Variants in ANK2 observed in about 807,000 individuals in gnomAD.
ANK2 encodes the protein ankyrin-2.
A neutral mutation model predicts 360.5 loss-of-function variants in ANK2; 83 were observed. The observed-to-expected ratio is 0.23, with a 90% CI of 0.19 to 0.28. The LOEUF (loss-of-function observed/expected upper bound fraction) is 0.28. Ranked by LOEUF, ANK2 falls within the 10% of genes least tolerant of loss-of-function variation. The probability of loss-of-function intolerance (pLI) is 1.00; values close to 1 mark genes in which losing one functional copy is unlikely to be tolerated. For synonymous variants in ANK2, 1,740 were observed against 1,759.5 expected, an observed-to-expected ratio of 0.99 and a Z score of 0.28; for missense variants, 4,201 against 4,795.7, an observed-to-expected ratio of 0.88 and a Z score of 3.66.
the ANK2 span, among the ~76,000 whole-genome samples, chr4:112,794,707 C>T: frequency 2.0e-5 from 3 of 152,192 alleles, no homozygotes; most frequent in Non-Finnish European, 4.4e-5. Flanking sequence ...TCTCTCCCTT[C>T]TCCCCAAACT....
chr4:112,803,892 TAGAC>T, the ANK2 span, among the ~76,000 whole-genome samples: 1,616 of 152,282 alleles, frequency 0.011, 27 homozygotes, highest in Admixed American at 0.042. Flanking sequence ...AATAGTATAA[TAGAC>T]AGAGAATAAT....
intron 28 of ANK2, 140 bp from the exon 29 acceptor site, chr4:113,332,914 G>C (rs2092796178): frequency 1.6e-6 from 2 of 1,233,282 alleles, no homozygotes; most frequent in Non-Finnish European, 2.3e-6. Context: ...CTGCTAGCCA[G>C]TGGGCTCCAG....
the ANK2 span, chr4:112,739,069 AC>A: frequency 1.8e-6 from 1 of 556,464 alleles, no homozygotes; most frequent in Non-Finnish European, 3.4e-6. Context: ...AGAGTCACCA[AC>A]CCCAATGCCA....
At chr4:113,118,581 G>T (rs1285062180) in intron 1 of ANK2, among the ~76,000 whole-genome samples, 1 of 151,992 alleles carries the variant, frequency 6.6e-6, no homozygotes. Context: ...ACTGTTACTA[G>T]GCTACAGAAA....
At chr4:113,321,447 G>A (rs908470717) in intron 26 of ANK2, among the ~76,000 whole-genome samples, 10 of 152,074 alleles carry the variant, frequency 6.6e-5, no homozygotes, top group East Asian at 1.9e-4. Flanking sequence ...CTCTATTAGC[G>A]TCTCCAGTGT....
chr4:112,810,147 ATATATATATATAT>A, the ANK2 span, among the ~76,000 whole-genome samples: 1 of 61,104 alleles, frequency 1.6e-5, no homozygotes, highest in African/African-American at 9.9e-5. Context: ...ATATATATAT[ATATATATATATAT>A]TTTTTTTTTT....
the ANK2 span, among the ~76,000 whole-genome samples, chr4:112,721,541 C>CAAA: frequency 8.5e-5 from 4 of 46,870 alleles, no homozygotes; most frequent in Non-Finnish European, 1.1e-4. Context: ...GACCCCATCT[C>CAAA]AAAAAAAAAA....
At chr4:113,278,297 A>G (rs1461322537) in intron 16 of ANK2, among the ~76,000 whole-genome samples, 163 bp from the exon 17 acceptor site, 1 of 152,122 alleles carries the variant, frequency 6.6e-6, no homozygotes, top group Non-Finnish European at 1.5e-5. Context: ...TATGTTTTTA[A>G]TATGAAAATT....
At chr4:112,921,738 A>G (rs2091591715) in intron 2 of ANK2, among the ~76,000 whole-genome samples, 1 of 149,332 alleles carries the variant, frequency 6.7e-6, no homozygotes, top group Admixed American at 6.7e-5. Flanking sequence ...AATGTTTGTT[A>G]TCATGGCTGC....
chr4:113,288,583 C>T lies in ANK2; in HGVS notation c.2277+97C>T, dbSNP rs541582114. The T allele has an allele frequency of 3.2e-5, 34 of 1,060,990 alleles. 1 individual carries two copies. The highest frequency in any genetic ancestry group is 2.4e-4 in the African/African-American group (15 of 63,000). The allele number at this position is 1,060,990 out of a possible 1,614,324, so 65.7% of individuals were successfully genotyped here. A position where few individuals can be genotyped will look rare whatever the true frequency, so the allele number is the denominator to read the frequency against. Reference sequence around the variant, plus strand: ...ACCAAAGCTACAAGTGTATTTTTTTCTTCCTTTTTAGTTCTAAAGTGATTT... The same window carrying T: ...ACCAAAGCTACAAGTGTATTTTTTTTTTCCTTTTTAGTTCTAAAGTGATTT... On this transcript the variant is annotated intron_variant, in intron 20 of 45. Coordinates refer to ENST00000357077, the MANE Select transcript of ANK2 (RefSeq NM_001148.6).
the ANK2 span, among the ~76,000 whole-genome samples, chr4:112,741,835 A>G: frequency 6.6e-6 from 1 of 152,140 alleles, no homozygotes; most frequent in East Asian, 1.9e-4. Context: ...ACAAACAAAC[A>G]AACAAACAAG....
the ANK2 span, chr4:112,798,804 G>A: frequency 6.6e-6 from 1 of 152,228 alleles, no homozygotes; most frequent in Admixed American, 6.5e-5. Flanking sequence ...CTTGTCCATG[G>A]TAGGTCTGAT....
chr4:112,974,845 AAG>A (rs1040040035), intron 2 of ANK2, among the ~76,000 whole-genome samples: 9 of 151,828 alleles, frequency 5.9e-5, no homozygotes, highest in African/African-American at 1.2e-4. Context: ...AGTATAGAAA[AAG>A]AAAAAAAAAA....
the ANK2 span, among the ~76,000 whole-genome samples, chr4:112,758,265 A>G: frequency 6.6e-6 from 1 of 152,158 alleles, no homozygotes; most frequent in African/African-American, 2.4e-5. Flanking sequence ...TAAATTAGAA[A>G]AATGGAATTA....
At position 112,828,106 on chromosome 4, in the gene ANK2, G is replaced by T. The variant is rs528907245; in HGVS notation, c.-40+9842G>T. On this transcript the variant is annotated intron_variant, in intron 1 of 30. Coordinates refer to the ANK2 transcript ENST00000503271. ...TCTTCAACAAAGCCTACAAAAATAAGCATTGGGGAAAGGATTCCCTATTCA... is the reference window on the plus strand; with the variant it reads ...TCTTCAACAAAGCCTACAAAAATAATCATTGGGGAAAGGATTCCCTATTCA... Among the ~76,000 whole-genome samples, 10 of 152,144 alleles carry T rather than the reference G, an allele frequency of 6.6e-5. No homozygotes were observed. In the South Asian group the frequency reaches 2.1e-3, roughly 32 times the overall value.
At chr4:112,862,341 T>C (rs1014689662) in intron 1 of ANK2, among the ~76,000 whole-genome samples, 1 of 152,232 alleles carries the variant, frequency 6.6e-6, no homozygotes, top group Non-Finnish European at 1.5e-5. Context: ...TTTGATTTGA[T>C]AAAGAGATAT....
At chr4:113,343,901 GT>G (rs889201553) in intron 34 of ANK2, among the ~76,000 whole-genome samples, 3 of 151,826 alleles carry the variant, frequency 2.0e-5, no homozygotes, top group Admixed American at 6.6e-5. Context: ...GGCTTCTGTC[GT>G]TTTTTTTCCA....
chr4:113,231,938 T>C (rs997933234), intron 4 of ANK2, among the ~76,000 whole-genome samples: 1 of 152,226 alleles, frequency 6.6e-6, no homozygotes, highest in African/African-American at 2.4e-5. Context: ...TGACGAGAAA[T>C]GTGACTCTCT....
intron 8 of ANK2, among the ~76,000 whole-genome samples, chr4:113,241,881 T>C (rs149510783): frequency 1.3e-5 from 2 of 152,336 alleles, no homozygotes; most frequent in African/African-American, 4.8e-5. Flanking sequence ...TATTTTGTAG[T>C]TATTGACTAA....
Sources: allele counts gnomAD v4.1 joint callset (sites outside exome capture counted in the v4.1 genomes callset), GRCh38; gene constraint gnomAD v4.1.1; transcripts MANE v1.5; gene names NCBI Gene and HGNC (gene_info 2026-07-23, HGNC 2026-07-21).